DGKI: variants seen among roughly 807,000 people sequenced by gnomAD.
DGKI encodes DAG kinase iota.
A neutral mutation model predicts 147.5 loss-of-function variants in DGKI; 55 were observed. The observed-to-expected ratio is 0.37, with a 90% CI of 0.30 to 0.47. The LOEUF (loss-of-function observed/expected upper bound fraction) is 0.47. Among genes scored for constraint, DGKI ranks in the 20% least tolerant of loss-of-function variants. DGKI has a pLI of 1.00. For missense variants in DGKI, 1,007 were observed against 1,323.8 expected, an observed-to-expected ratio of 0.76 and a Z score of 3.71; for synonymous variants, 469 against 477.1, an observed-to-expected ratio of 0.98 and a Z score of 0.22.
intron 23 of DGKI, among the ~76,000 whole-genome samples, chr7:137,472,047 A>G (rs1475167239): frequency 8.5e-6 from 1 of 117,502 alleles, no homozygotes; most frequent in African/African-American, 4.1e-5. Context: ...CTATATATGT[A>G]TATATGTTAT....
rs1811313995 is a variant in DGKI at position 137,390,375 on chromosome 7, T to A, written c.*845A>T. On this transcript the variant is annotated 3_prime_UTR_variant, in exon 33 of 33. Coordinates refer to ENST00000614521, the MANE Select transcript of DGKI (RefSeq NM_001321708.2). ...GGGCCTCTGTTTAATCCTTTGCTCATCTTCTATTGCAGCAAAAGGCAAAGA... is the reference window on the plus strand; with the variant it reads ...GGGCCTCTGTTTAATCCTTTGCTCAACTTCTATTGCAGCAAAAGGCAAAGA... The A allele has an allele frequency of 6.6e-6, 1 of 152,626 alleles. No individual in the cohort carries two copies. Among genetic ancestry groups the A allele is most frequent in the Admixed American group, 6.5e-5 (1 of 15,280 alleles). The allele number at this position is 152,626 out of a possible 1,614,324, so 9.5% of individuals were successfully genotyped here. A position where few individuals can be genotyped will look rare whatever the true frequency, so the allele number is the denominator to read the frequency against.
At chr7:137,410,902 G>A in intron 29 of DGKI, among the ~76,000 whole-genome samples, 1 of 152,150 alleles carries the variant, frequency 6.6e-6, no homozygotes, top group Non-Finnish European at 1.5e-5. Context: ...TTCTCTTCTG[G>A]GTAACAATTT....
At chr7:137,608,868 C>T in intron 10 of DGKI, 98 bp downstream of exon 10, 1 of 930,644 alleles carries the variant, frequency 1.1e-6, no homozygotes, top group Non-Finnish European at 1.7e-6. Flanking sequence ...TCTTCCAAAG[C>T]TTGGGATCCT....
At chr7:137,826,436 T>G (rs1798059781) in intron 1 of DGKI, among the ~76,000 whole-genome samples, 1 of 152,172 alleles carries the variant, frequency 6.6e-6, no homozygotes. Flanking sequence ...AAAGAGTGTG[T>G]GGTTTGCAGC....
rs1562985803 is a variant in DGKI, at chr7:137,382,487, T to TC, written c.*8732dup. 6.6e-6 allele frequency: 1 copy of TC among 151,634 alleles called. No individual in the cohort carries two copies. The highest frequency in any genetic ancestry group is 2.4e-5 in the African/African-American group (1 of 41,268). 9.4% of individuals were successfully genotyped at this position (151,634 alleles called of 1,614,324 possible). A position where few individuals can be genotyped will look rare whatever the true frequency, so the allele number is the denominator to read the frequency against. On this transcript the variant is annotated 3_prime_UTR_variant, in exon 33 of 33. Transcript: ENST00000614521. ...AGTTCTTCTATTAGCTGACCCTACT[T>TC]CCCCCAAGTTCCACACACAATCTAA...
chr7:137,522,784 G>C (rs1817007822), intron 20 of DGKI, among the ~76,000 whole-genome samples: 1 of 152,064 alleles, frequency 6.6e-6, no homozygotes, highest in Non-Finnish European at 1.5e-5. Context: ...TAGTTGAGTG[G>C]AATAATTTGG....
At chr7:137,689,540 G>C (rs1189238974) in intron 2 of DGKI, among the ~76,000 whole-genome samples, 4 of 152,192 alleles carry the variant, frequency 2.6e-5, no homozygotes, top group Non-Finnish European at 5.9e-5. Flanking sequence ...TCAAGCTGAG[G>C]AAATCAAAAC....
chr7:137,384,103 T>A lies in DGKI; in HGVS notation c.*7117A>T, dbSNP rs1208600046. ...GAGTCTTGGATGTCAGGGCCATTTT[T>A]AACATTTTTTGTTGCAGCATTCAGA... On this transcript the variant is annotated 3_prime_UTR_variant, in exon 33 of 33. Transcript: ENST00000614521. 3 of 152,094 alleles carry A rather than the reference T, an allele frequency of 2.0e-5. No homozygotes were observed. The East Asian group carries it at 5.8e-4, about 29-fold the overall frequency. 9.4% of individuals were successfully genotyped at this position (152,094 alleles called of 1,614,324 possible).
At position 137,846,706 on chromosome 7, in the gene DGKI, T is replaced by C; in HGVS notation, c.157A>G (p.Met53Val). 9.6e-7 allele frequency: 1 copy of C among 1,037,716 alleles called. No individual in the cohort carries two copies. Among genetic ancestry groups the C allele is most frequent in the Non-Finnish European group, 1.2e-6 (1 of 863,546 alleles). 64.3% of individuals were successfully genotyped at this position (1,037,716 alleles called of 1,614,324 possible). The change falls in exon 1 of 33, where the codon ATG (methionine) becomes GTG (valine). Residue 53 changes from methionine to valine, a missense_variant. Around this residue, in one of 5 missense-constraint regions of DGKI, gnomAD observed 137 missense variants for 114.4 expected, o/e 1.20. Coordinates refer to ENST00000614521, the MANE Select transcript of DGKI (RefSeq NM_001321708.2). This position sits in a 1 kb window ranked among gnomAD's most constrained non-coding sequence, Gnocchi z 4.0. Reference sequence around the variant, plus strand: ...TCTCCCGCCGAGGAGCTGGGGTTCATGGCGCCCGCTCCGGCGGCCGCGGAG... The same window carrying C: ...TCTCCCGCCGAGGAGCTGGGGTTCACGGCGCCCGCTCCGGCGGCCGCGGAG... ...APSAAAGAGA[M>V]NPSSSAGEEK...
intron 1 of DGKI, among the ~76,000 whole-genome samples, chr7:137,801,332 GA>G (rs945941973): frequency 6.6e-6 from 1 of 151,770 alleles, no homozygotes; most frequent in Non-Finnish European, 1.5e-5. Flanking sequence ...ACTAGAAAGA[GA>G]AAAAAAAGAT....
chr7:137,482,827 C>G (rs1585158322), intron 23 of DGKI, among the ~76,000 whole-genome samples: 1 of 152,042 alleles, frequency 6.6e-6, no homozygotes, highest in East Asian at 1.9e-4. Flanking sequence ...CCAACCATTC[C>G]TTCATGCTCA....
At chr7:137,766,815 G>A (rs955673505) in intron 1 of DGKI, among the ~76,000 whole-genome samples, 1 of 152,158 alleles carries the variant, frequency 6.6e-6, no homozygotes, top group Non-Finnish European at 1.5e-5. Flanking sequence ...CACCCACAAT[G>A]AGATCTTTCT....
chr7:137,514,909 C>T (rs1158602233), intron 21 of DGKI, among the ~76,000 whole-genome samples: 1 of 152,122 alleles, frequency 6.6e-6, no homozygotes, highest in Non-Finnish European at 1.5e-5. Context: ...AGGCATGATA[C>T]ACTCCTCAAG....
intron 6 of DGKI, among the ~76,000 whole-genome samples, chr7:137,633,003 G>A (rs557348757): frequency 3.9e-4 from 59 of 151,904 alleles, no homozygotes; most frequent in African/African-American, 1.2e-3. Context: ...ACCTGAGGCC[G>A]GGTGTTCAAG....
At chr7:137,795,454 T>G (rs1310142117) in intron 1 of DGKI, among the ~76,000 whole-genome samples, 2 of 152,194 alleles carry the variant, frequency 1.3e-5, no homozygotes, top group Non-Finnish European at 2.9e-5. Flanking sequence ...AGTCAGCTAT[T>G]ACTCAGTGAG....
intron 12 of DGKI, among the ~76,000 whole-genome samples, chr7:137,593,156 G>A (rs530891006): frequency 6.6e-6 from 1 of 152,280 alleles, no homozygotes; most frequent in South Asian, 2.1e-4. Context: ...TTAATGTCAG[G>A]CCTTTTGGAA....
At chr7:137,805,721 C>G (rs1440649459) in intron 1 of DGKI, among the ~76,000 whole-genome samples, 1 of 152,190 alleles carries the variant, frequency 6.6e-6, no homozygotes, top group Non-Finnish European at 1.5e-5. Flanking sequence ...TTTGAAGGCA[C>G]CCTTCATAAC....
chr7:137,468,792 T>C (rs1814760972), intron 24 of DGKI, among the ~76,000 whole-genome samples: 1 of 152,112 alleles, frequency 6.6e-6, no homozygotes, highest in African/African-American at 2.4e-5. Context: ...AATCCTGTCA[T>C]ACTCATATTC....
intron 2 of DGKI, among the ~76,000 whole-genome samples, chr7:137,687,639 T>C (rs1474768711): frequency 2.0e-5 from 3 of 152,216 alleles, no homozygotes; most frequent in Admixed American, 2.0e-4. Flanking sequence ...TTGTAATAAA[T>C]GAGTGTAGTG....
Sources: gnomAD v4.1 joint callset for allele counts (sites outside exome capture counted in the v4.1 genomes callset) on GRCh38, gnomAD v4.1.1 for gene constraint, gnomAD v4.1.1 regional missense constraint, Gnocchi (gnomAD v3.1) non-coding constraint, MANE v1.5 for transcripts, NCBI Gene and HGNC (gene_info 2026-07-23, HGNC 2026-07-21) for gene names.